Variants in RNF220 observed in about 807,000 individuals in gnomAD.
RNF220 encodes ring finger protein 220, also known as E3 ubiquitin-protein ligase RNF220.
In RNF220, 7 loss-of-function variants were observed where a neutral mutation model predicts 67.1. The ratio of observed to expected loss-of-function variants is 0.10; its 90% CI spans 0.06 to 0.20. The LOEUF is 0.20. RNF220 is among the 10% of genes least tolerant of loss of function. The pLI, the probability that RNF220 is intolerant of heterozygous loss-of-function variation, is 1.00. For missense variants in RNF220, 565 were observed against 740.3 expected (o/e 0.76, Z 2.75); for synonymous variants, 270 against 283.2 (o/e 0.95, Z 0.47).
At chr1:44,586,490 G>T (rs1016412054) in intron 2 of RNF220, among the ~76,000 whole-genome samples, 3 of 152,124 alleles carry the variant, frequency 2.0e-5, no homozygotes, top group Non-Finnish European at 4.4e-5. Flanking sequence ...TGAGGAGGGG[G>T]TCACAGCTCC....
chr1:44,475,223 G>A (rs1425467204), intron 2 of RNF220, among the ~76,000 whole-genome samples: 2 of 152,088 alleles, frequency 1.3e-5, no homozygotes, highest in Admixed American at 6.6e-5. Context: ...CATACCTTTG[G>A]CCCTACATCA....
At chr1:44,536,702 C>T (rs933720877) in intron 2 of RNF220, among the ~76,000 whole-genome samples, 2 of 152,164 alleles carry the variant, frequency 1.3e-5, no homozygotes, top group African/African-American at 2.4e-5. Flanking sequence ...CTGCTGCTGC[C>T]GCCACCAACA....
Position 44,417,990 on chromosome 1 carries a change from G to T in RNF220, c.625+5268G>T, listed in dbSNP as rs1198639670. ...CCCGCGGCCGCACACACGAGGGCCC[G>T]TCGCGCCCCCCGCCCTGCCCCGCCT... On this transcript the variant is annotated intron_variant, in intron 2 of 14. Transcript: ENST00000361799. This position sits in a 1 kb window ranked among gnomAD's most constrained non-coding sequence, Gnocchi z 4.0. Among the ~76,000 whole-genome samples the T allele has an allele frequency of 6.6e-6, 1 of 151,784 alleles. No individual in the cohort carries two copies. Among genetic ancestry groups the T allele is most frequent in the Admixed American group, 6.6e-5 (1 of 15,262 alleles).
At chr1:44,519,673 A>G (rs1481745222) in intron 2 of RNF220, among the ~76,000 whole-genome samples, 1 of 152,224 alleles carries the variant, frequency 6.6e-6, no homozygotes, top group Non-Finnish European at 1.5e-5. Context: ...AAGCGGCCCA[A>G]GTTGTGAACC....
In RNF220 at chr1:44,469,495, A is replaced by G. The variant is rs74869267; in HGVS notation, c.625+56773A>G. On this transcript the variant is annotated intron_variant, in intron 2 of 14. Coordinates refer to ENST00000361799, the MANE Select transcript of RNF220 (RefSeq NM_018150.4). ...ATTTTTCAAACCTCCCCCCTAATAC[A>G]TTTCCTCTTGGGACACAGTCCCAGA... Among the ~76,000 whole-genome samples, 48 of 152,264 alleles carry G rather than the reference A, an allele frequency of 3.2e-4. 1 individual carries two copies. In the East Asian group the frequency reaches 9.1e-3, roughly 29 times the overall value.
Position 44,540,820 on chromosome 1 carries a change from C to T in RNF220, c.626-73345C>T, listed in dbSNP as rs536507183. 7.9e-5 allele frequency among the ~76,000 whole-genome samples: 12 copies of T among 152,170 alleles called. No individual in the cohort carries two copies. The South Asian group carries it at 2.1e-3, about 26-fold the overall frequency. ...TCTGTCCAGAACCGAGGGAGGTGTA[C>T]AAGAAGGGACCAAGAAAGACCAAAC... On this transcript the variant is annotated intron_variant, in intron 2 of 14. Coordinates refer to ENST00000361799, the MANE Select transcript of RNF220 (RefSeq NM_018150.4).
At position 44,491,846 on chromosome 1, in the gene RNF220, T is replaced by C. The variant is rs575369092; in HGVS notation, c.625+79124T>C. On this transcript the variant is annotated intron_variant, in intron 2 of 14. Transcript: ENST00000361799. ...GCCCGGCTAATTTTTGTATTTTTAG[T>C]GGAGATGAGGTCTTGCCATGTTGGC... 1.6e-3 allele frequency among the ~76,000 whole-genome samples: 241 copies of C among 152,234 alleles called. 3 individuals carry two copies. The highest frequency in any genetic ancestry group is 5.5e-3 in the African/African-American group (228 of 41,534).
intron 3 of RNF220, among the ~76,000 whole-genome samples, chr1:44,615,056 C>T (rs1375747801): frequency 6.6e-6 from 1 of 152,070 alleles, no homozygotes; most frequent in Non-Finnish European, 1.5e-5. Flanking sequence ...AGGCTGCTTC[C>T]CTCACATGTC....
chr1:44,544,776 C>T (rs1661983464), intron 2 of RNF220, among the ~76,000 whole-genome samples: 1 of 152,240 alleles, frequency 6.6e-6, no homozygotes, highest in Non-Finnish European at 1.5e-5. Flanking sequence ...TGTGATTCTG[C>T]TCCATGCCCA....
At chr1:44,443,471 G>C (rs1335839300) in intron 2 of RNF220, among the ~76,000 whole-genome samples, 1 of 152,138 alleles carries the variant, frequency 6.6e-6, no homozygotes, top group East Asian at 1.9e-4. Flanking sequence ...AGTTCATTCC[G>C]TATACCCTAC....
At position 44,486,516 on chromosome 1, in the gene RNF220, A is replaced by C. The variant is rs531311003; in HGVS notation, c.625+73794A>C. On this transcript the variant is annotated intron_variant, in intron 2 of 14. Coordinates refer to ENST00000361799, the MANE Select transcript of RNF220 (RefSeq NM_018150.4). ...GTTACTAGTGAGAGCTTAAACCAAC[A>C]TGCAGATTAACATTGATCTATGGAC... Among the ~76,000 whole-genome samples, 4 of 152,334 alleles carry C rather than the reference A, an allele frequency of 2.6e-5. No homozygotes were observed. In the East Asian group the frequency reaches 7.7e-4, roughly 29 times the overall value.
intron 2 of RNF220, among the ~76,000 whole-genome samples, chr1:44,418,845 T>C (rs1371436741): frequency 6.6e-6 from 1 of 152,152 alleles, no homozygotes; most frequent in Non-Finnish European, 1.5e-5. Context: ...TTGTAAATAA[T>C]TGAGATTTGG....
chr1:44,497,180 C>T (rs1657413601), intron 2 of RNF220, among the ~76,000 whole-genome samples: 1 of 152,154 alleles, frequency 6.6e-6, no homozygotes, highest in South Asian at 2.1e-4. Flanking sequence ...CCCAAGGCAT[C>T]TCTAGAGGTC....
At chr1:44,602,929 A>ACCGC (rs1667025606) in intron 2 of RNF220, among the ~76,000 whole-genome samples, 1 of 151,876 alleles carries the variant, frequency 6.6e-6, no homozygotes, top group Non-Finnish European at 1.5e-5. Flanking sequence ...AACAGCTGTC[A>ACCGC]CCGCCCGGCT....
At chr1:44,605,802 T>C (rs1667235775) in intron 2 of RNF220, among the ~76,000 whole-genome samples, 1 of 152,172 alleles carries the variant, frequency 6.6e-6, no homozygotes, top group Non-Finnish European at 1.5e-5. Flanking sequence ...CCTATCCTTT[T>C]TGGTTGTTTA....
At chr1:44,532,569 T>C (rs1380470907) in intron 2 of RNF220, among the ~76,000 whole-genome samples, 5 of 152,358 alleles carry the variant, frequency 3.3e-5, no homozygotes, top group South Asian at 2.1e-4. Context: ...AAGCAACTTT[T>C]GCAAAGTTGA....
chr1:44,569,747 A>T (rs1327695630), intron 2 of RNF220, among the ~76,000 whole-genome samples: 1 of 152,200 alleles, frequency 6.6e-6, no homozygotes, highest in African/African-American at 2.4e-5. Flanking sequence ...CTGAGGGGGA[A>T]CAAGGAGGAA....
At chr1:44,499,940 C>G (rs1657681808) in intron 2 of RNF220, among the ~76,000 whole-genome samples, 1 of 152,216 alleles carries the variant, frequency 6.6e-6, no homozygotes, top group South Asian at 2.1e-4. Context: ...GTCTCCCACA[C>G]CATTCATACT....
chr1:44,582,478 C>T (rs767332785), intron 2 of RNF220, among the ~76,000 whole-genome samples: 8 of 152,070 alleles, frequency 5.3e-5, no homozygotes, highest in Non-Finnish European at 1.2e-4. Flanking sequence ...CGAGTGGTGC[C>T]GGGCGCGGTG....
Sources: gnomAD v4.1 joint callset for allele counts (sites outside exome capture counted in the v4.1 genomes callset) on GRCh38, gnomAD v4.1.1 for gene constraint, Gnocchi (gnomAD v3.1) non-coding constraint, MANE v1.5 for transcripts, NCBI Gene and HGNC (gene_info 2026-07-23, HGNC 2026-07-21) for gene names.